Variants in ACOX3 observed in about 807,000 individuals in gnomAD.
The protein encoded by ACOX3 is peroxisomal acyl-coenzyme A oxidase 3.
Under a neutral mutation model 81.5 loss-of-function variants are expected in ACOX3, and 73 were observed. The ratio of observed to expected loss-of-function variants is 0.90; its 90% confidence interval spans 0.74 to 1.09. ACOX3 has a LOEUF of 1.09. Ranked by LOEUF, ACOX3 falls within the 50% of genes least tolerant of loss-of-function variation. The pLI, the probability that ACOX3 is intolerant of heterozygous loss-of-function variation, is 0.00. For missense variants in ACOX3, 947 were observed against 928.0 expected (o/e 1.02, Z -0.27); for synonymous variants, 387 against 375.1 (o/e 1.03, Z -0.37).
intron 1 of ACOX3, among the ~76,000 whole-genome samples, chr4:8,434,536 C>T (rs1220046324): frequency 6.6e-6 from 1 of 152,226 alleles, no homozygotes; most frequent in Non-Finnish European, 1.5e-5. Context: ...AGGCATTTGC[C>T]CCCGTGGAAT....
Position 8,371,010 on chromosome 4 carries a change from G to A in ACOX3, c.1897-16C>T, listed in dbSNP as rs1379437886. The A allele has an allele frequency of 1.9e-6, 3 of 1,612,818 alleles. No homozygotes were observed. The highest frequency in any genetic ancestry group is 2.7e-5 in the African/African-American group (2 of 75,028). On this transcript the variant is annotated splice_polypyrimidine_tract_variant and intron_variant, in intron 16 of 17. Transcript: ENST00000356406. Reference sequence around the variant, plus strand: ...CGTCTTTCAGCTGTTGGAAAACAAAGCCCAGACACTTGGCACCTCCCGGGA... The same window carrying A: ...CGTCTTTCAGCTGTTGGAAAACAAAACCCAGACACTTGGCACCTCCCGGGA...
At chr4:8,356,191 T>C in the ACOX3 span, 5 of 276,392 alleles carry the variant, frequency 1.8e-5, no homozygotes, top group South Asian at 1.2e-4. Context: ...GAAGATTCTC[T>C]TATTCATTTC....
chr4:8,356,283 C>T, the ACOX3 span: 81 of 352,950 alleles, frequency 2.3e-4, no homozygotes, highest in African/African-American at 1.7e-3. Context: ...GCTCCCTCAT[C>T]CCCACTTGTG....
Position 8,389,871 on chromosome 4 carries a change from G to T in ACOX3, c.1301-137C>A. 8.9e-7 allele frequency: 1 copy of T among 1,120,658 alleles called. No individual in the cohort carries two copies. The highest frequency in any genetic ancestry group is 1.3e-6 in the Non-Finnish European group (1 of 792,160). The allele number at this position is 1,120,658 out of a possible 1,614,324, so 69.4% of individuals were successfully genotyped here. On this transcript the variant is annotated intron_variant, in intron 11 of 17. Transcript: ENST00000356406. The surrounding 1 kb of genome is among the most constrained non-coding windows in gnomAD (Gnocchi z 5.3). ...TGTAATGGCAGCACTTTGGGGGGCC[G>T]AGGCGGGTGGATCACTTGAAGCCAG...
At chr4:8,395,556 C>G (rs574653985) in intron 9 of ACOX3, among the ~76,000 whole-genome samples, 1 of 152,374 alleles carries the variant, frequency 6.6e-6, no homozygotes, top group African/African-American at 2.4e-5. Flanking sequence ...AATCCTCACA[C>G]TGATCCTAGG....
At position 8,381,372 on chromosome 4, in the gene ACOX3, G is replaced by A; in HGVS notation, c.1653+120C>T. 1.2e-6 allele frequency: 1 copy of A among 823,852 alleles called. No homozygotes were observed. The allele number at this position is 823,852 out of a possible 1,614,324, so 51.0% of individuals were successfully genotyped here. On this transcript the variant is annotated intron_variant, in intron 14 of 17. Transcript: ENST00000356406. The surrounding 1 kb of genome is among the most constrained non-coding windows in gnomAD (Gnocchi z 4.3). ...CAAAGTCATCAAGTCATCTGCCCAA[G>A]GTCACGGGAGCTCGGGGTCTGGGGC...
intron 1 of ACOX3, among the ~76,000 whole-genome samples, chr4:8,439,763 ACT>A (rs769264490): frequency 9.2e-5 from 14 of 152,252 alleles, no homozygotes; most frequent in Admixed American, 2.0e-4. Flanking sequence ...AAACACTATC[ACT>A]CTGTCTCCCA....
At chr4:8,359,327 T>TA in the ACOX3 span, among the ~76,000 whole-genome samples, 1 of 152,158 alleles carries the variant, frequency 6.6e-6, no homozygotes, top group East Asian at 1.9e-4. The surrounding 1 kb of genome is among the most constrained non-coding windows in gnomAD (Gnocchi z 6.0). Flanking sequence ...GTAGGGGAGT[T>TA]AGAGTCTGTC....
chr4:8,387,767 C>T (rs959553542), intron 13 of ACOX3, among the ~76,000 whole-genome samples: 1 of 152,218 alleles, frequency 6.6e-6, no homozygotes, highest in African/African-American at 2.4e-5. Context: ...TGCGGTCCCA[C>T]AGGCTTGGGT....
intron 3 of ACOX3, among the ~76,000 whole-genome samples, chr4:8,415,247 G>A (rs1722190151): frequency 6.6e-6 from 1 of 152,168 alleles, no homozygotes; most frequent in Non-Finnish European, 1.5e-5. Context: ...AGTCCTGGGG[G>A]TCTGAGGACA....
intron 5 of ACOX3, among the ~76,000 whole-genome samples, chr4:8,411,265 C>A (rs1721693483): frequency 1.3e-5 from 2 of 152,238 alleles, no homozygotes; most frequent in African/African-American, 4.8e-5. Flanking sequence ...CTGCTAGGGG[C>A]TGTCGTGGCT....
intron 1 of ACOX3, among the ~76,000 whole-genome samples, chr4:8,418,481 T>A (rs1260210000): frequency 1.3e-5 from 2 of 148,852 alleles, no homozygotes; most frequent in African/African-American, 5.0e-5. Flanking sequence ...AAAAAAAAAT[T>A]CTTAAGACTC....
intron 1 of ACOX3, among the ~76,000 whole-genome samples, chr4:8,417,573 C>T (rs562805425): frequency 3.3e-4 from 50 of 152,364 alleles, no homozygotes; most frequent in African/African-American, 1.1e-3. Flanking sequence ...AGAAGGGCTC[C>T]AAGCCCAGCA....
In ACOX3 at chr4:8,432,331, T is replaced by C. The variant is rs1032711755; in HGVS notation, c.-15+8317A>G. Among the ~76,000 whole-genome samples the C allele has an allele frequency of 6.6e-6, 1 of 152,084 alleles. No individual in the cohort carries two copies. The highest frequency in any genetic ancestry group is 2.4e-5 in the African/African-American group (1 of 41,394). On this transcript the variant is annotated intron_variant, in intron 1 of 17. Transcript: ENST00000356406. The surrounding 1 kb of genome is among the most constrained non-coding windows in gnomAD (Gnocchi z 6.2). ...TCACTGCAAGCTCTGCCTCCCGGGT[T>C]CAAGCCATTCTCCTGCCTTAGCCTC... is the stretch of plus-strand genomic sequence containing the variant.
rs7809 is a variant in ACOX3, at chr4:8,366,706, G to A, written c.*255C>T. ...AAATTCTAATTATCAAAAAACCCAC[G>A]GCGCATCAGGTAGACATGATCATCT... On this transcript the variant is annotated 3_prime_UTR_variant, in exon 18 of 18. Transcript: ENST00000356406. 0.28 allele frequency: 87,373 copies of A among 314,528 alleles called. 12,710 individuals carry two copies. The highest frequency in any genetic ancestry group is 0.32 in the South Asian group (5,470 of 17,094). 19.5% of individuals were successfully genotyped at this position (314,528 alleles called of 1,614,324 possible).
chr4:8,427,985 G>A (rs1723665602), intron 1 of ACOX3, among the ~76,000 whole-genome samples: 1 of 152,208 alleles, frequency 6.6e-6, no homozygotes, highest in Non-Finnish European at 1.5e-5. Flanking sequence ...TACCGTCTAG[G>A]CTTCTGTCAT....
intron 15 of ACOX3, 113 bp from the exon 16 acceptor site, chr4:8,373,741 G>T: frequency 1.1e-6 from 1 of 919,404 alleles, no homozygotes; most frequent in Non-Finnish European, 1.7e-6. Context: ...CCTGTTTTGG[G>T]TGAACACATC....
chr4:8,422,817 C>T (rs1723092285), intron 1 of ACOX3, among the ~76,000 whole-genome samples: 3 of 152,208 alleles, frequency 2.0e-5, no homozygotes, highest in Admixed American at 2.0e-4. Flanking sequence ...AATCAAATGC[C>T]TGATAGGGCT....
At position 8,370,500 on chromosome 4, in the gene ACOX3, G is replaced by A. The variant is rs1406584620; in HGVS notation, c.1983+408C>T. Among the ~76,000 whole-genome samples, 1 of 151,558 alleles carries A rather than the reference G, an allele frequency of 6.6e-6. No individual in the cohort carries two copies. The highest frequency in any genetic ancestry group is 2.4e-5 in the African/African-American group (1 of 41,028). ...ATGGATGGTCAGAGGGGACAGAGGGGCCTGGGGATTCCAGGACAGGGATGG... is the reference window on the plus strand; with the variant it reads ...ATGGATGGTCAGAGGGGACAGAGGGACCTGGGGATTCCAGGACAGGGATGG... On this transcript the variant is annotated intron_variant, in intron 17 of 17. Transcript: ENST00000356406. The surrounding 1 kb of genome is among the most constrained non-coding windows in gnomAD (Gnocchi z 6.3).
Sources: gnomAD v4.1 joint callset for allele counts (sites outside exome capture counted in the v4.1 genomes callset) on GRCh38, gnomAD v4.1.1 for gene constraint, Gnocchi (gnomAD v3.1) non-coding constraint, MANE v1.5 for transcripts, NCBI Gene and HGNC (gene_info 2026-07-23, HGNC 2026-07-21) for gene names.